The following RASA3 variants were observed in gnomAD, a reference collection of about 807,000 sequenced individuals.
The protein encoded by RASA3 is RAS p21 protein activator 3, also known as ras GTPase-activating protein 3.
Under a neutral mutation model 110.0 loss-of-function variants are expected in RASA3, and 73 were observed. That is an observed-to-expected ratio of 0.66 (90% CI 0.55 to 0.81). The LOEUF (loss-of-function observed/expected upper bound fraction) is 0.81. RASA3 is among the 30% of genes least tolerant of loss of function. The pLI, the probability that RASA3 is intolerant of heterozygous loss-of-function variation, is 0.00. For synonymous variants in RASA3, 500 were observed against 451.4 expected, an observed-to-expected ratio of 1.11 and a Z score of -1.37; for missense variants, 976 against 1,113.2, an observed-to-expected ratio of 0.88 and a Z score of 1.75.
chr13:114,005,804 C>A (rs61971850), intron 18 of RASA3, among the ~76,000 whole-genome samples: 881 of 24,504 alleles, frequency 0.036, 102 homozygotes, highest in African/African-American at 0.15. Context: ...CGGACACCAC[C>A]TTACCCTTCT....
At chr13:114,069,207 G>C (rs1308566946) in intron 2 of RASA3, among the ~76,000 whole-genome samples, 1 of 151,986 alleles carries the variant, frequency 6.6e-6, no homozygotes, top group East Asian at 2.0e-4. Flanking sequence ...AAGTCAGACG[G>C]CGATATTGGG....
In RASA3 at chr13:114,027,398, A is replaced by G. The variant is rs773023782; in HGVS notation, c.594T>C (p.Phe198=). The G allele has an allele frequency of 8.7e-6, 14 of 1,611,538 alleles. No homozygotes were observed. Among genetic ancestry groups the G allele is most frequent in the Middle Eastern group, 1.6e-4 (1 of 6,078 alleles). The stretch of plus-strand genomic sequence containing the variant: ...CCATGAAGATACCAACCTCAAAATA[A>G]AACACTTCATCGAACTGGGGATTGT... ...KTNNPQFDEV[F]YFEVTRPCSY... is the part of the protein sequence containing the mutation. The change falls in exon 7 of 24, where the codon TTT becomes TTC. Residue 198 remains phenylalanine, a synonymous_variant. Coordinates refer to ENST00000334062, the MANE Select transcript of RASA3 (RefSeq NM_007368.4).
intron 1 of RASA3, among the ~76,000 whole-genome samples, chr13:114,110,710 C>T (rs1201090065): frequency 1.3e-5 from 2 of 152,266 alleles, no homozygotes; most frequent in African/African-American, 2.4e-5. Flanking sequence ...CAGGGCATGA[C>T]ACGCACATCA....
At chr13:113,992,735 G>C (rs1026395662) in intron 21 of RASA3, 147 bp from the exon 22 acceptor site, 2 of 680,446 alleles carry the variant, frequency 2.9e-6, no homozygotes, top group Non-Finnish European at 5.1e-6. Flanking sequence ...CTGTCCGTCT[G>C]TGCACAGCCG....
intron 22 of RASA3, among the ~76,000 whole-genome samples, chr13:113,991,530 C>T (rs550290183): frequency 2.2e-4 from 34 of 152,340 alleles, no homozygotes; most frequent in African/African-American, 6.7e-4. Flanking sequence ...TGCTTCACCC[C>T]CGTGGGCTTT....
chr13:114,019,184 G>A (rs2053861925), intron 9 of RASA3, among the ~76,000 whole-genome samples: 1 of 152,202 alleles, frequency 6.6e-6, no homozygotes, highest in Non-Finnish European at 1.5e-5. Flanking sequence ...AACGTGGCAG[G>A]AACGGGTTTC....
chr13:114,108,975 G>T (rs766105529), intron 1 of RASA3, among the ~76,000 whole-genome samples: 13 of 152,174 alleles, frequency 8.5e-5, no homozygotes, highest in Non-Finnish European at 1.8e-4. Flanking sequence ...GGCGGACGGT[G>T]GCAGGGCAGG....
chr13:114,034,115 C>A (rs1042953285), intron 4 of RASA3, among the ~76,000 whole-genome samples: 1 of 151,148 alleles, frequency 6.6e-6, no homozygotes, highest in Non-Finnish European at 1.5e-5. Flanking sequence ...TGGCTATCCA[C>A]GGGCTAAAGG....
intron 2 of RASA3, among the ~76,000 whole-genome samples, chr13:114,058,676 C>T (rs1220858152): frequency 6.6e-6 from 1 of 152,232 alleles, no homozygotes; most frequent in Non-Finnish European, 1.5e-5. Flanking sequence ...GGCCCTGCTC[C>T]TCGGAGGACT....
At chr13:113,992,432 G>T (rs772083450) in intron 22 of RASA3, 53 bp downstream of exon 22, 27 of 1,444,366 alleles carry the variant, frequency 1.9e-5, no homozygotes, top group Non-Finnish European at 2.5e-5. Context: ...CTGAGGCCGG[G>T]GCCTCGCCAG....
In RASA3 at chr13:114,065,197, TCTC is replaced by T. The variant is rs2079425066; in HGVS notation, c.173+8520_173+8522del. ...GGGACCAGCAGAGAAACCCCCGCCTTCTCCTCCCTGAGTCACTTCCCAGCATCT... is the reference window on the plus strand; with the variant it reads ...GGGACCAGCAGAGAAACCCCCGCCTTCTCCCTGAGTCACTTCCCAGCATCT... On this transcript the variant is annotated intron_variant, in intron 2 of 23. Coordinates refer to ENST00000334062, the MANE Select transcript of RASA3 (RefSeq NM_007368.4). The surrounding 1 kb of genome is among the most constrained non-coding windows in gnomAD (Gnocchi z 4.1). 1.3e-5 allele frequency among the ~76,000 whole-genome samples: 2 copies of T among 152,154 alleles called. No homozygotes were observed. Among genetic ancestry groups the T allele is most frequent in the African/African-American group, 2.4e-5 (1 of 41,432 alleles).
rs567591355 is a variant in RASA3 at position 114,041,018 on chromosome 13, G to A, written c.354C>T (p.Asp118=). 3.5e-5 allele frequency: 57 copies of A among 1,613,738 alleles called. No individual in the cohort carries two copies. In the Admixed American group the frequency reaches 4.7e-4, roughly 13 times the overall value. Reference sequence around the variant, plus strand: ...GTCTCACCTGCACTTCCGAGTCAGCGTCCACGTGCTGCAGCTGGAACCAGG... The same window carrying A: ...GTCTCACCTGCACTTCCGAGTCAGCATCCACGTGCTGCAGCTGGAACCAGG... ...RDTWFQLQHV[D]ADSEVQGKVH... The change falls in exon 4 of 24, where the codon GAC becomes GAT. Residue 118 remains aspartate (D), a synonymous_variant. Coordinates refer to ENST00000334062, the MANE Select transcript of RASA3 (RefSeq NM_007368.4).
At chr13:114,130,118 T>C (rs1005478988) in intron 1 of RASA3, among the ~76,000 whole-genome samples, 7 of 152,188 alleles carry the variant, frequency 4.6e-5, no homozygotes, top group Non-Finnish European at 7.3e-5. Flanking sequence ...CACAGTTACA[T>C]GAGACTAACC....
intron 20 of RASA3, among the ~76,000 whole-genome samples, chr13:113,998,171 G>C (rs535566863): frequency 1.9e-4 from 29 of 152,158 alleles, no homozygotes; most frequent in Non-Finnish European, 3.7e-4. Flanking sequence ...TGTCCACACT[G>C]CTTCCTTCGA....
chr13:114,062,025 A>G (rs9525230), intron 2 of RASA3, among the ~76,000 whole-genome samples: 110,950 of 151,964 alleles, frequency 0.73, 41,234 homozygotes, highest in African/African-American at 0.88. Flanking sequence ...GGTCGGACTG[A>G]CGCCGTCCTG....
chr13:114,073,398 G>A (rs1163099624), intron 2 of RASA3, among the ~76,000 whole-genome samples: 1 of 149,350 alleles, frequency 6.7e-6, no homozygotes, highest in Non-Finnish European at 1.5e-5. Flanking sequence ...AAAATGGGAC[G>A]GTGACGTACA....
rs2054110238 is a variant in RASA3 at position 114,029,748 on chromosome 13, G to C, written c.449+63C>G. On this transcript the variant is annotated intron_variant, in intron 5 of 23. Coordinates refer to ENST00000334062, the MANE Select transcript of RASA3 (RefSeq NM_007368.4). ...TGCGTTGGTGTGAAAACCCCTGTGT[G>C]CTCCTCGGGAGCCAGACATGCCACT... 4 of 1,463,414 alleles carry C rather than the reference G, an allele frequency of 2.7e-6. No homozygotes were observed. The Admixed American group carries it at 7.8e-5, about 28-fold the overall frequency. The allele number at this position is 1,463,414 out of a possible 1,614,324, so 90.7% of individuals were successfully genotyped here. A position where few individuals can be genotyped will look rare whatever the true frequency, so the allele number is the denominator to read the frequency against.
intron 2 of RASA3, among the ~76,000 whole-genome samples, chr13:114,055,171 GGT>G (rs748696098): frequency 9.9e-5 from 15 of 152,140 alleles, no homozygotes; most frequent in Admixed American, 2.0e-4. Context: ...CGTGTGCATG[GGT>G]GTGTGCATGC....
At chr13:114,072,954 C>T (rs111964777) in intron 2 of RASA3, among the ~76,000 whole-genome samples, 2 of 124,422 alleles carry the variant, frequency 1.6e-5, no homozygotes, top group Admixed American at 7.5e-5. Context: ...GAAAATGGGA[C>T]GGTGATATAC....
Sources: allele counts gnomAD v4.1 joint callset (sites outside exome capture counted in the v4.1 genomes callset), GRCh38; gene constraint gnomAD v4.1.1; non-coding constraint Gnocchi (gnomAD v3.1); transcripts MANE v1.5; gene names NCBI Gene and HGNC (gene_info 2026-07-23, HGNC 2026-07-21).